The following FMNL3 variants were observed in gnomAD, a reference collection of about 807,000 sequenced individuals.
The protein encoded by FMNL3 is formin like 3, also known as formin-like protein 3.
In FMNL3, 57 loss-of-function variants were observed where a neutral mutation model predicts 119.6. That is an observed-to-expected ratio of 0.48 (90% confidence interval 0.39 to 0.59). The LOEUF is 0.59. Among genes scored for constraint, FMNL3 ranks in the 20% least tolerant of loss-of-function variants. The pLI is 0.00. For missense variants in FMNL3, 1,053 were observed against 1,323.5 expected (o/e 0.80, Z 3.17); for synonymous variants, 491 against 507.3 (o/e 0.97, Z 0.43).
At position 49,645,104 on chromosome 12, in the gene FMNL3, CAAAAAAAAAAAAAAAA is replaced by C. The variant is rs3073937; in HGVS notation, c.*695_*710del. 1 of 55,588 alleles carries C rather than the reference CAAAAAAAAAAAAAAAA, an allele frequency of 1.8e-5. No individual in the cohort carries two copies. The highest frequency in any genetic ancestry group is 3.4e-5 in the Non-Finnish European group (1 of 29,770). 3.4% of individuals were successfully genotyped at this position (55,588 alleles called of 1,614,324 possible). A position where few individuals can be genotyped will look rare whatever the true frequency, so the allele number is the denominator to read the frequency against. On this transcript the variant is annotated 3_prime_UTR_variant, in exon 26 of 26. Coordinates refer to ENST00000335154, the MANE Select transcript of FMNL3 (RefSeq NM_175736.5). The stretch of plus-strand genomic sequence containing the variant: ...GACCACCATGCTCCTTGTCCCCTGC[CAAAAAAAAAAAAAAAA>C]AAAAAAAAACCGTAGCTGAGGAAAG...
Position 49,656,882 on chromosome 12 carries a change from G to A in FMNL3, c.732C>T (p.Val244=), listed in dbSNP as rs1565873372. 6.2e-7 allele frequency: 1 copy of A among 1,613,966 alleles called. No individual in the cohort carries two copies. Among genetic ancestry groups the A allele is most frequent in the Non-Finnish European group, 8.5e-7 (1 of 1,179,980 alleles). ...CATTGACAGCATGGGGGTGGGACAT[G>A]ACCAGGTTGAATCCGTACTGCAAGG... ...IMNYQYGFNL[V]MSHPHAVNEI... is the part of the protein sequence containing the mutation. Residue 244 remains valine (V), a synonymous_variant, in exon 8 of 26, where the codon GTC becomes GTT. Transcript: ENST00000335154.
intron 1 of FMNL3, among the ~76,000 whole-genome samples, chr12:49,690,422 C>T (rs1329483582): frequency 6.6e-6 from 1 of 152,152 alleles, no homozygotes; most frequent in African/African-American, 2.4e-5. Context: ...TGTTCTTTGC[C>T]TTCCAAGAAT....
Position 49,647,348 on chromosome 12 carries a change from T to G in FMNL3, c.2799A>C (p.Glu933Asp). ...TTACCTCCTCCTGCTTCTTGCGGGCTTCATTCTCTTGTTCTGCTTCCTAAG... is the reference window on the plus strand; with the variant it reads ...TTACCTCCTCCTGCTTCTTGCGGGCGTCATTCTCTTGTTCTGCTTCCTAAG... ...RSYKEAEQEN[E>D]ARKKQEEVMR... The change falls in exon 24 of 26, where the codon GAA becomes GAC. Residue 933 changes from glutamate (E) to aspartate (D), a missense_variant. Physicochemically the swap from Glu to Asp is conservative, Grantham distance 45. This residue lies in a region of FMNL3 where 324 missense variants were observed against 380.9 expected (regional missense o/e 0.85). Transcript: ENST00000335154. This position sits in a 1 kb window ranked among gnomAD's most constrained non-coding sequence, Gnocchi z 4.9. 1 of 1,613,294 alleles carries G rather than the reference T, an allele frequency of 6.2e-7. No individual in the cohort carries two copies. Among genetic ancestry groups the G allele is most frequent in the Non-Finnish European group, 8.5e-7 (1 of 1,180,000 alleles).
chr12:49,651,000 CAA>C (rs1376908195), intron 16 of FMNL3, 122 bp from the exon 17 acceptor site: 1 of 1,474,984 alleles, frequency 6.8e-7, no homozygotes, highest in Non-Finnish European at 9.3e-7. Context: ...AATACAAACA[CAA>C]AGTGTTGACA....
intron 1 of FMNL3, among the ~76,000 whole-genome samples, chr12:49,673,443 C>T (rs1478975573): frequency 6.6e-6 from 1 of 152,248 alleles, no homozygotes; most frequent in Non-Finnish European, 1.5e-5. Flanking sequence ...CAGATCTGCC[C>T]CAAGCCAGTG....
At chr12:49,691,713 A>G (rs1944605910) in intron 1 of FMNL3, among the ~76,000 whole-genome samples, 2 of 151,816 alleles carry the variant, frequency 1.3e-5, no homozygotes, top group African/African-American at 4.9e-5. Context: ...GAAAAGTAAG[A>G]GAGGAGCCTT....
chr12:49,651,038 G>C, intron 16 of FMNL3, 130 bp downstream of exon 16: 1 of 1,469,024 alleles, frequency 6.8e-7, no homozygotes, highest in Non-Finnish European at 9.4e-7. Context: ...GTACACTCAA[G>C]AATGAAGGGT....
chr12:49,685,333 G>C (rs938492543), intron 1 of FMNL3, among the ~76,000 whole-genome samples: 1 of 152,090 alleles, frequency 6.6e-6, no homozygotes. Context: ...ATGGTGGCAC[G>C]CGCCTGTAGT....
chr12:49,671,641 A>G lies in FMNL3; in HGVS notation c.127-3087T>C, dbSNP rs578111188. 7.9e-4 allele frequency among the ~76,000 whole-genome samples: 120 copies of G among 152,306 alleles called. 1 individual carries two copies. Among genetic ancestry groups the G allele is most frequent in the African/African-American group, 2.7e-3 (113 of 41,558 alleles). On this transcript the variant is annotated intron_variant, in intron 1 of 25. Coordinates refer to ENST00000335154, the MANE Select transcript of FMNL3 (RefSeq NM_175736.5). Reference sequence around the variant, plus strand: ...TGTGTGTGAGTCTGGCAGGGCTCCAATGTCCTAAGGAAGCCTCTCTGCCCT... The same window carrying G: ...TGTGTGTGAGTCTGGCAGGGCTCCAGTGTCCTAAGGAAGCCTCTCTGCCCT...
chr12:49,666,796 T>C (rs992605675), intron 2 of FMNL3, among the ~76,000 whole-genome samples: 3 of 148,952 alleles, frequency 2.0e-5, no homozygotes, highest in Admixed American at 6.7e-5. Flanking sequence ...GATCCCTCTC[T>C]AAAAAAAAAA....
intron 1 of FMNL3, among the ~76,000 whole-genome samples, chr12:49,680,516 C>T (rs1033275208): frequency 6.6e-6 from 1 of 152,178 alleles, no homozygotes; most frequent in African/African-American, 2.4e-5. Flanking sequence ...CAATGTTGTC[C>T]CCTCTCACGC....
intron 3 of FMNL3, 93 bp downstream of exon 3, chr12:49,666,034 C>T: frequency 6.5e-7 from 1 of 1,538,964 alleles, no homozygotes; most frequent in Non-Finnish European, 9.0e-7. Context: ...TGCTCAGAAA[C>T]AGATGTCCAA....
chr12:49,685,611 T>G (rs1404183702), intron 1 of FMNL3, among the ~76,000 whole-genome samples: 2 of 152,156 alleles, frequency 1.3e-5, no homozygotes, highest in South Asian at 4.1e-4. Flanking sequence ...TTATTGAGTA[T>G]AAAAGAAAGG....
chr12:49,658,672 C>T (rs1301986914), intron 5 of FMNL3, 78 bp from the exon 6 acceptor site: 75 of 1,446,020 alleles, frequency 5.2e-5, no homozygotes, highest in Non-Finnish European at 6.4e-5. Flanking sequence ...CCCCCGTGAG[C>T]CCACCCCCAC....
chr12:49,696,456 C>T (rs1944752863), intron 1 of FMNL3, among the ~76,000 whole-genome samples: 1 of 152,230 alleles, frequency 6.6e-6, no homozygotes. Context: ...AGCTCACCCA[C>T]ACAATTCAAG....
intron 25 of FMNL3, among the ~76,000 whole-genome samples, chr12:49,646,440 G>C (rs1210554025): frequency 2.0e-5 from 3 of 152,210 alleles, no homozygotes; most frequent in Non-Finnish European, 4.4e-5. Context: ...TAGTGGGAGA[G>C]AGACCACTTC....
intron 1 of FMNL3, among the ~76,000 whole-genome samples, chr12:49,701,276 C>G (rs1944903963): frequency 6.6e-6 from 1 of 152,014 alleles, no homozygotes; most frequent in South Asian, 2.1e-4. Context: ...CTTCTTTACA[C>G]TTTTCAGTAA....
At chr12:49,646,727 G>A in intron 25 of FMNL3, 159 bp downstream of exon 25, 3 of 1,560,812 alleles carry the variant, frequency 1.9e-6, no homozygotes, top group Non-Finnish European at 2.6e-6. Flanking sequence ...TTGGCAGTAC[G>A]GGCCGTGAAA....
chr12:49,699,920 A>G (rs369206963), intron 1 of FMNL3, among the ~76,000 whole-genome samples: 1 of 152,260 alleles, frequency 6.6e-6, no homozygotes, highest in Admixed American at 6.5e-5. Context: ...ATATACTATC[A>G]GTGGAAAAGG....
Sources: allele counts gnomAD v4.1 joint callset (sites outside exome capture counted in the v4.1 genomes callset), GRCh38; gene constraint gnomAD v4.1.1; regional missense constraint gnomAD v4.1.1; non-coding constraint Gnocchi (gnomAD v3.1); transcripts MANE v1.5; gene names NCBI Gene and HGNC (gene_info 2026-07-23, HGNC 2026-07-21).